Variants in FRMPD3 observed in about 807,000 individuals in gnomAD.
The protein encoded by FRMPD3 is FERM and PDZ domain-containing protein 3.
In FRMPD3, 42 loss-of-function variants were observed where a neutral mutation model predicts 97.9. The observed-to-expected ratio is 0.43, with a 90% CI of 0.34 to 0.55. The LOEUF (loss-of-function observed/expected upper bound fraction) is 0.55, where lower values mean the gene tolerates loss of function less well. FRMPD3 is among the 20% of genes least tolerant of loss of function. The probability of loss-of-function intolerance (pLI) is 0.03; values close to 1 mark genes in which losing one functional copy is unlikely to be tolerated. For synonymous variants in FRMPD3, 577 were observed against 581.1 expected (o/e 0.99, Z 0.10); for missense variants, 1,303 against 1,457.7 (o/e 0.89, Z 1.73).
chrX:107,522,731 G>T (rs1388001614), intron 1 of FRMPD3, among the ~76,000 whole-genome samples: 2 of 112,155 alleles, frequency 1.8e-5, no homozygotes, highest in African/African-American at 3.2e-5. Context: ...CGAATATAAA[G>T]TGTTGTTATC....
chrX:107,468,316 C>G lies in FRMPD3; in HGVS notation c.-8+18311C>G, dbSNP rs771518169. On this transcript the variant is annotated intron_variant, in intron 1 of 14. Coordinates refer to ENST00000683843, the MANE Select transcript of FRMPD3 (RefSeq NM_001388459.1). ...AGCTAGGGAAAAGCACACAAACGAA[C>G]TTGCAGGTGAAATATTTTTTTCATT... is the stretch of plus-strand genomic sequence containing the variant. Among the ~76,000 whole-genome samples the G allele has an allele frequency of 3.6e-5, 4 of 112,124 alleles. No individual in the cohort carries two copies. In the South Asian group the frequency reaches 1.5e-3, roughly 42 times the overall value.
chrX:107,502,867 C>T (rs1335704169), intron 1 of FRMPD3, among the ~76,000 whole-genome samples: 1 of 112,609 alleles, frequency 8.9e-6, no homozygotes, highest in Non-Finnish European at 1.9e-5. Flanking sequence ...AACCCCTAAG[C>T]TGCCGGATCT....
chrX:107,493,997 ACT>A, intron 1 of FRMPD3, among the ~76,000 whole-genome samples: 1 of 109,949 alleles, frequency 9.1e-6, no homozygotes, highest in East Asian at 2.8e-4. Context: ...CTCAGTGGCC[ACT>A]CTCTGTGGTT....
chrX:107,494,101 C>T (rs1415840708), intron 1 of FRMPD3, among the ~76,000 whole-genome samples: 1 of 111,746 alleles, frequency 8.9e-6, no homozygotes, highest in Non-Finnish European at 1.9e-5. Context: ...GAAGACTACA[C>T]CATTAGGCCC....
Position 107,592,786 on chromosome X carries a change from G to C in FRMPD3, c.1442-4535G>C, listed in dbSNP as rs1293032877. Among the ~76,000 whole-genome samples the C allele has an allele frequency of 6.2e-5, 6 of 96,645 alleles. No individual in the cohort carries two copies. The Admixed American group carries it at 6.8e-4, about 11-fold the overall frequency. The allele number at this position is 96,645 out of a possible 115,157, so 83.9% of individuals were successfully genotyped here. The stretch of plus-strand genomic sequence containing the variant: ...TATTTTTTTTTTATTTTTAAATTAT[G>C]ACCATTCTTTTTTTTTTTTTTTTTT... On this transcript the variant is annotated intron_variant, in intron 13 of 14. Transcript: ENST00000683843.
intron 1 of FRMPD3, among the ~76,000 whole-genome samples, chrX:107,484,025 AG>A (rs944349782): frequency 1.2e-4 from 13 of 111,673 alleles, no homozygotes; most frequent in African/African-American, 3.6e-4. Context: ...GCTGCAGGGG[AG>A]GGGCTGTGGC....
At chrX:107,590,170 A>G (rs1569428267) in intron 13 of FRMPD3, among the ~76,000 whole-genome samples, 1 of 112,243 alleles carries the variant, frequency 8.9e-6, no homozygotes, top group African/African-American at 3.2e-5. Flanking sequence ...TAAAAATACA[A>G]AAAAAACTGA....
chrX:107,522,514 T>TTGTGGGTCCTAGCATAGAGA, intron 1 of FRMPD3: 1 of 534,077 alleles, frequency 1.9e-6, no homozygotes, highest in Non-Finnish European at 3.4e-6. Context: ...GGTGCTGCAA[T>TTGTGGGTCCTAGCATAGAGA]TGTGGGTCCT....
chrX:107,592,363 A>T (rs1257371082), intron 13 of FRMPD3, among the ~76,000 whole-genome samples: 1 of 111,750 alleles, frequency 8.9e-6, no homozygotes, highest in Non-Finnish European at 1.9e-5. Flanking sequence ...CTCATCAACC[A>T]CATTAAAAAA....
At chrX:107,491,416 C>A (rs762009057) in intron 1 of FRMPD3, among the ~76,000 whole-genome samples, 1 of 112,252 alleles carries the variant, frequency 8.9e-6, no homozygotes, top group African/African-American at 3.2e-5. Flanking sequence ...GAGATAGATA[C>A]TATTCTTAGC....
At chrX:107,582,028 T>C (rs1487180691) in intron 13 of FRMPD3, among the ~76,000 whole-genome samples, 3 of 111,681 alleles carry the variant, frequency 2.7e-5, no homozygotes, top group African/African-American at 9.8e-5. Context: ...AGTATATACC[T>C]AGGAATGGAA....
intron 12 of FRMPD3, among the ~76,000 whole-genome samples, chrX:107,569,974 C>T (rs1318966762): frequency 9.4e-6 from 1 of 106,465 alleles, no homozygotes; most frequent in Non-Finnish European, 1.9e-5. Flanking sequence ...CGTGATCATG[C>T]CACTGCACTC....
chrX:107,560,188 G>A, intron 8 of FRMPD3, 69 bp from the exon 9 acceptor site: 1 of 1,138,164 alleles, frequency 8.8e-7, no homozygotes, highest in South Asian at 1.9e-5. Context: ...GGGATGTAAG[G>A]GAGTAGATCA....
intron 3 of FRMPD3, among the ~76,000 whole-genome samples, chrX:107,533,206 G>A (rs1923048399): frequency 8.9e-6 from 1 of 111,941 alleles, no homozygotes; most frequent in Admixed American, 9.5e-5. Context: ...TTGCTACTAA[G>A]GTTTGGAGAT....
At chrX:107,572,632 G>A (rs1269746701) in intron 12 of FRMPD3, among the ~76,000 whole-genome samples, 4 of 110,607 alleles carry the variant, frequency 3.6e-5, no homozygotes, top group Middle Eastern at 9.2e-3. Flanking sequence ...CAGCTACTTG[G>A]TAGGCTGAGA....
At chrX:107,534,195 C>T (rs1035711832) in intron 4 of FRMPD3, among the ~76,000 whole-genome samples, 8 of 111,964 alleles carry the variant, frequency 7.1e-5, no homozygotes, top group African/African-American at 2.3e-4. Flanking sequence ...TTCTAGCCCC[C>T]TCTCCTCAAG....
At chrX:107,531,538 A>G (rs1279761374) in intron 3 of FRMPD3, among the ~76,000 whole-genome samples, 1 of 111,312 alleles carries the variant, frequency 9.0e-6, no homozygotes, top group Non-Finnish European at 1.9e-5. Context: ...CATTCTGTGT[A>G]TGGAACAGCA....
At chrX:107,558,366 T>C (rs4524932) in intron 8 of FRMPD3, among the ~76,000 whole-genome samples, 17,592 of 110,860 alleles carry the variant, frequency 0.16, 3,014 homozygotes, top group African/African-American at 0.51. Flanking sequence ...TTGGCTCACG[T>C]CTGTAATTGC....
chrX:107,567,642 T>A (rs1449007578), intron 12 of FRMPD3, among the ~76,000 whole-genome samples: 1 of 111,001 alleles, frequency 9.0e-6, no homozygotes, highest in East Asian at 2.8e-4. Context: ...GAGAGGAGAA[T>A]AACGAGAAAA....
Sources: gnomAD v4.1 joint callset for allele counts (sites outside exome capture counted in the v4.1 genomes callset) on GRCh38, gnomAD v4.1.1 for gene constraint, MANE v1.5 for transcripts, NCBI Gene and HGNC (gene_info 2026-07-23, HGNC 2026-07-21) for gene names.